PLEKHG1: variants seen among roughly 807,000 people sequenced by gnomAD.
PLEKHG1 encodes the protein pleckstrin homology and RhoGEF domain containing G1.
A neutral mutation model predicts 100.8 loss-of-function variants in PLEKHG1; 44 were observed. The ratio of observed to expected loss-of-function variants is 0.44; its 90% CI spans 0.34 to 0.56. The LOEUF (loss-of-function observed/expected upper bound fraction) is 0.56. Among genes scored for constraint, PLEKHG1 ranks in the 20% least tolerant of loss-of-function variants. PLEKHG1 has a pLI of 0.01. For missense variants in PLEKHG1, 1,545 were observed against 1,720.9 expected (o/e 0.90, Z 1.81); for synonymous variants, 640 against 662.5 (o/e 0.97, Z 0.52).
intron 10 of PLEKHG1, among the ~76,000 whole-genome samples, chr6:150,811,792 A>G (rs712213): frequency 0.26 from 39,488 of 151,920 alleles, 5,314 homozygotes; most frequent in Middle Eastern, 0.36. Flanking sequence ...GCTCTGAGGA[A>G]TCTGGACGCG....
chr6:150,667,596 C>T (rs1202888591), intron 3 of PLEKHG1, among the ~76,000 whole-genome samples: 1 of 152,188 alleles, frequency 6.6e-6, no homozygotes, highest in African/African-American at 2.4e-5. Flanking sequence ...TCTACTTTTT[C>T]CTATTTGCAA....
intron 3 of PLEKHG1, among the ~76,000 whole-genome samples, chr6:150,702,099 A>C (rs966688473): frequency 6.6e-6 from 1 of 152,234 alleles, no homozygotes; most frequent in African/African-American, 2.4e-5. Context: ...TTAAAATATA[A>C]AACTAAATTT....
chr6:150,637,691 CTT>C (rs1245129381), intron 1 of PLEKHG1, among the ~76,000 whole-genome samples: 1 of 151,954 alleles, frequency 6.6e-6, no homozygotes, highest in Non-Finnish European at 1.5e-5. Flanking sequence ...GTGTGTGTGT[CTT>C]TTTACCTCTT....
At chr6:150,718,075 T>C (rs1781509310), upstream of PLEKHG1, among the ~76,000 whole-genome samples, 1 of 152,094 alleles carries the variant, frequency 6.6e-6, no homozygotes, top group Admixed American at 6.6e-5. Flanking sequence ...AGATTCTGTC[T>C]CAAAAAAATA....
chr6:150,827,844 G>A, intron 14 of PLEKHG1: 1 of 1,438,748 alleles, frequency 7.0e-7, no homozygotes, highest in South Asian at 1.1e-5. Context: ...GGATCACGAA[G>A]GCGAGTTTAA....
At chr6:150,746,833 G>A (rs2128625980) in intron 2 of PLEKHG1, among the ~76,000 whole-genome samples, 1 of 152,318 alleles carries the variant, frequency 6.6e-6, no homozygotes, top group East Asian at 1.9e-4. Context: ...TGTAATGGGA[G>A]GGAAGTAGAA....
intron 3 of PLEKHG1, among the ~76,000 whole-genome samples, chr6:150,780,136 A>AT (rs1491583940): frequency 3.5e-5 from 4 of 115,924 alleles, no homozygotes; most frequent in African/African-American, 1.7e-4. Flanking sequence ...CCTTTTCTTT[A>AT]ATTTTTTTTT....
At chr6:150,733,996 G>A (rs200670072) in exon 2 of PLEKHG1, 71 of 1,613,994 alleles carry the variant, frequency 4.4e-5, no homozygotes, top group Non-Finnish European at 5.7e-5. Flanking sequence ...TCGCAGACTC[G>A]GCCACGAGCC....
At chr6:150,681,345 C>T (rs1779925655) in intron 3 of PLEKHG1, among the ~76,000 whole-genome samples, 1 of 151,916 alleles carries the variant, frequency 6.6e-6, no homozygotes, top group Non-Finnish European at 1.5e-5. Flanking sequence ...AAACCCCTCT[C>T]TACCGAAAAT....
intron 3 of PLEKHG1, among the ~76,000 whole-genome samples, chr6:150,706,865 C>T (rs953219330): frequency 2.0e-5 from 3 of 151,896 alleles, no homozygotes; most frequent in African/African-American, 4.8e-5. Context: ...TTTCCTGATC[C>T]GTGATGAATT....
At position 150,809,480 on chromosome 6, in the gene PLEKHG1, G is replaced by A; in HGVS notation, c.1191+4G>A. On this transcript the variant is annotated splice_donor_region_variant and intron_variant, in intron 9 of 15. Coordinates refer to ENST00000358517, the Ensembl canonical transcript of PLEKHG1. ...CAAGCTGCAGCACACAGTCCAGGTAGCAGCCGGGCCCTGGCCTCTCCGCAA... is the reference window on the plus strand; with the variant it reads ...CAAGCTGCAGCACACAGTCCAGGTAACAGCCGGGCCCTGGCCTCTCCGCAA... 1 of 1,611,484 alleles carries A rather than the reference G, an allele frequency of 6.2e-7. No homozygotes were observed. The highest frequency in any genetic ancestry group is 8.5e-7 in the Non-Finnish European group (1 of 1,177,978).
chr6:150,796,993 TTTG>T (rs144217937), intron 5 of PLEKHG1, among the ~76,000 whole-genome samples: 2,742 of 152,202 alleles, frequency 0.018, 29 homozygotes, highest in Non-Finnish European at 0.029. Flanking sequence ...TTTGTTTTGT[TTTG>T]TTTTGTTTTT....
intron 2 of PLEKHG1, among the ~76,000 whole-genome samples, chr6:150,649,166 ATTGTTT>A (rs1282760534): frequency 6.6e-6 from 1 of 152,148 alleles, no homozygotes; most frequent in African/African-American, 2.4e-5. Flanking sequence ...ATGAAACTGC[ATTGTTT>A]TTACTCCTCC....
chr6:150,682,853 G>A (rs978074925), intron 3 of PLEKHG1, among the ~76,000 whole-genome samples: 2 of 152,096 alleles, frequency 1.3e-5, no homozygotes, highest in East Asian at 3.9e-4. Context: ...AGGCATATGC[G>A]GGTTAAAGAG....
chr6:150,745,247 T>C (rs771628504), intron 2 of PLEKHG1, among the ~76,000 whole-genome samples: 1 of 152,238 alleles, frequency 6.6e-6, no homozygotes, highest in African/African-American at 2.4e-5. Flanking sequence ...CAATGGCATT[T>C]GTGTATCTAA....
intron 5 of PLEKHG1, among the ~76,000 whole-genome samples, chr6:150,799,187 T>G (rs1786546552): frequency 6.6e-6 from 1 of 152,206 alleles, no homozygotes; most frequent in Non-Finnish European, 1.5e-5. Flanking sequence ...GATAAATATT[T>G]TATCTTGTCC....
rs770026269 is a variant in PLEKHG1 at position 150,600,904 on chromosome 6, G to C, written c.-204+887G>C. The stretch of plus-strand genomic sequence containing the variant: ...GGTTTGTAAGCCGGCGTTTCATCCA[G>C]CTCTGGTCCTCAAGGCGCCCTTTGT... On this transcript the variant is annotated intron_variant, in intron 1 of 3. Transcript: ENST00000367326. The surrounding 1 kb of genome is among the most constrained non-coding windows in gnomAD (Gnocchi z 6.2). The C allele has an allele frequency of 6.6e-6, 1 of 152,252 alleles. No individual in the cohort carries two copies. The highest frequency in any genetic ancestry group is 1.5e-5 in the Non-Finnish European group (1 of 68,068). 9.4% of individuals were successfully genotyped at this position (152,252 alleles called of 1,614,324 possible).
chr6:150,718,539 G>A (rs1451712304), upstream of PLEKHG1, among the ~76,000 whole-genome samples: 2 of 147,002 alleles, frequency 1.4e-5, no homozygotes, highest in African/African-American at 5.0e-5. Flanking sequence ...GCACGATCTC[G>A]GCTCACTACA....
At chr6:150,644,822 A>G (rs887662960) in intron 2 of PLEKHG1, among the ~76,000 whole-genome samples, 2 of 152,192 alleles carry the variant, frequency 1.3e-5, no homozygotes, top group Admixed American at 6.6e-5. Context: ...TAGAAAATGG[A>G]ATAATTTTAA....
Sources: gnomAD v4.1 joint callset for allele counts (sites outside exome capture counted in the v4.1 genomes callset) on GRCh38, gnomAD v4.1.1 for gene constraint, Gnocchi (gnomAD v3.1) non-coding constraint, MANE v1.5 for transcripts, NCBI Gene and HGNC (gene_info 2026-07-23, HGNC 2026-07-21) for gene names.